ANK3: variants seen among roughly 807,000 people sequenced by gnomAD.
ANK3 encodes the protein ankyrin-3.
Under a neutral mutation model 370.9 loss-of-function variants are expected in ANK3, and 57 were observed. That is an observed-to-expected ratio of 0.15 (90% CI 0.12 to 0.19). The LOEUF is 0.19. Among genes scored for constraint, ANK3 ranks in the 10% least tolerant of loss-of-function variants. ANK3 has a pLI of 1.00. For missense variants in ANK3, 4,439 were observed against 5,302.1 expected (o/e 0.84, Z 5.06); for synonymous variants, 1,929 against 1,946.3 (o/e 0.99, Z 0.23).
At chr10:60,510,099 CCTT>C (rs2076042525) in intron 2 of ANK3, among the ~76,000 whole-genome samples, 1 of 151,854 alleles carries the variant, frequency 6.6e-6, no homozygotes, top group African/African-American at 2.4e-5. Flanking sequence ...TGGAAGTAGT[CCTT>C]CATCTAGTAT....
At chr10:60,663,794 A>G (rs375117268) in intron 1 of ANK3, among the ~76,000 whole-genome samples, 26 of 152,202 alleles carry the variant, frequency 1.7e-4, no homozygotes, top group Non-Finnish European at 1.3e-4. Flanking sequence ...TACATACAAG[A>G]TTATTTCTGT....
At chr10:60,687,236 T>C (rs1213016653) in intron 1 of ANK3, among the ~76,000 whole-genome samples, 2 of 152,126 alleles carry the variant, frequency 1.3e-5, no homozygotes, top group African/African-American at 4.8e-5. Context: ...CTCTCAATAG[T>C]TTATTAATAT....
At chr10:60,218,678 T>G (rs1472450234) in intron 8 of ANK3, among the ~76,000 whole-genome samples, 2 of 152,136 alleles carry the variant, frequency 1.3e-5, no homozygotes, top group African/African-American at 4.8e-5. Flanking sequence ...CTTCCCTTTG[T>G]AGGTTACCTG....
chr10:60,711,564 A>T (rs1206175637), intron 1 of ANK3, among the ~76,000 whole-genome samples: 1 of 152,076 alleles, frequency 6.6e-6, no homozygotes, highest in Non-Finnish European at 1.5e-5. Context: ...GAAGAAATCG[A>T]ATATTCAAAA....
At position 60,036,537 on chromosome 10, in the gene ANK3, G is replaced by A. The variant is rs898641634; in HGVS notation, c.*19+6135C>T. On this transcript the variant is annotated intron_variant, in intron 43 of 43. Coordinates refer to ENST00000280772, the MANE Select transcript of ANK3 (RefSeq NM_020987.5). ...TGAAAGCTCCACCTCCCAGGTTCACGCCATTCTCCTGCCTCAGCCTCCCAA... is the reference window on the plus strand; with the variant it reads ...TGAAAGCTCCACCTCCCAGGTTCACACCATTCTCCTGCCTCAGCCTCCCAA... Among the ~76,000 whole-genome samples the A allele has an allele frequency of 5.7e-5, 8 of 140,674 alleles. No individual in the cohort carries two copies. In the East Asian group the frequency reaches 6.8e-4, roughly 12 times the overall value. 92.3% of individuals were successfully genotyped at this position (140,674 alleles called of 152,430 possible). A position where few individuals can be genotyped will look rare whatever the true frequency, so the allele number is the denominator to read the frequency against.
chr10:60,075,045 T>C lies in ANK3; in HGVS notation c.5836A>G (p.Lys1946Glu), dbSNP rs1332358923. ...TCTTCCTTTACTTTCTCTACAATTT[T>C]GAAAGGTTCTTCATCATCTATTCTC... is the stretch of plus-strand genomic sequence containing the variant. ...EGRIDDEEPF[K>E]IVEKVKEDLV... Residue 1946 changes from lysine to glutamate, a missense_variant, in exon 37 of 44, where the codon AAA becomes GAA. Around this residue, in one of 13 missense-constraint regions of ANK3, gnomAD observed 679 missense variants for 791.0 expected, o/e 0.86. Coordinates refer to ENST00000280772, the MANE Select transcript of ANK3 (RefSeq NM_020987.5). 6.2e-7 allele frequency: 1 copy of C among 1,613,804 alleles called. No homozygotes were observed. Among genetic ancestry groups the C allele is most frequent in the Non-Finnish European group, 8.5e-7 (1 of 1,179,978 alleles).
Position 60,340,756 on chromosome 10 carries a change from A to G in ANK3, c.114+48669T>C, listed in dbSNP as rs569949553. Among the ~76,000 whole-genome samples, 10 of 152,252 alleles carry G rather than the reference A, an allele frequency of 6.6e-5. No individual in the cohort carries two copies. In the East Asian group the frequency reaches 1.9e-3, roughly 29 times the overall value. On this transcript the variant is annotated intron_variant, in intron 1 of 43. Transcript: ENST00000280772. ...TTTCTTACAGATCAGAGAAGATACT[A>G]TAGAGGCAGTAGTACAAACGGTGGC...
intron 23 of ANK3, chr10:60,140,651 A>G: frequency 1.5e-6 from 2 of 1,348,860 alleles, no homozygotes; most frequent in South Asian, 2.0e-5. Flanking sequence ...CCTTTTGACC[A>G]CTTCGCAGAC....
chr10:60,067,214 T>G (rs1203252897), intron 38 of ANK3, among the ~76,000 whole-genome samples: 1 of 152,226 alleles, frequency 6.6e-6, no homozygotes, highest in Non-Finnish European at 1.5e-5. Context: ...AGAATTCAAC[T>G]TTTGTGAATT....
In ANK3 at chr10:60,207,253, G is replaced by A. The variant is rs373072218; in HGVS notation, c.1194+783C>T. On this transcript the variant is annotated intron_variant, in intron 10 of 43. Transcript: ENST00000280772. ...GCCCACAGAGTACAAGAGGTGGTACGGATCTATCCAGACAGGATGACCGCA... is the reference window on the plus strand; with the variant it reads ...GCCCACAGAGTACAAGAGGTGGTACAGATCTATCCAGACAGGATGACCGCA... 5.9e-5 allele frequency among the ~76,000 whole-genome samples: 9 copies of A among 152,260 alleles called. No individual in the cohort carries two copies. The East Asian group carries it at 1.4e-3, about 23-fold the overall frequency.
intron 1 of ANK3, among the ~76,000 whole-genome samples, chr10:60,658,186 A>G (rs537856865): frequency 7.2e-5 from 11 of 152,042 alleles, no homozygotes; most frequent in South Asian, 4.2e-4. Context: ...AACATTTAAT[A>G]TAAGTATCCA....
rs371576258 is a variant in ANK3 at position 60,111,525 on chromosome 10, TATAATA to T, written c.2949-2477_2949-2472del. Among the ~76,000 whole-genome samples, 217 of 152,292 alleles carry T rather than the reference TATAATA, an allele frequency of 1.4e-3. 5 individuals are homozygous for T. Among genetic ancestry groups the T allele is most frequent in the Admixed American group, 0.012 (180 of 15,288 alleles). On this transcript the variant is annotated intron_variant, in intron 26 of 43. Coordinates refer to ENST00000280772, the MANE Select transcript of ANK3 (RefSeq NM_020987.5). The stretch of plus-strand genomic sequence containing the variant: ...TATAGAACAAATTAAAAAGGTGATA[TATAATA>T]ATATTTGTATCATTAATATTTAAAC...
At chr10:60,606,610 C>T (rs2078132217) in intron 2 of ANK3, among the ~76,000 whole-genome samples, 1 of 152,104 alleles carries the variant, frequency 6.6e-6, no homozygotes, top group Non-Finnish European at 1.5e-5. Flanking sequence ...CTTTGTTTGG[C>T]CACATTTGAC....
At chr10:60,463,044 C>T (rs1226868192) in intron 2 of ANK3, among the ~76,000 whole-genome samples, 2 of 152,130 alleles carry the variant, frequency 1.3e-5, no homozygotes, top group South Asian at 2.1e-4. Flanking sequence ...GCTGGGACTA[C>T]AGGCTTGTGC....
intron 2 of ANK3, among the ~76,000 whole-genome samples, chr10:60,611,296 C>T (rs1255468193): frequency 6.6e-6 from 1 of 152,062 alleles, no homozygotes; most frequent in Non-Finnish European, 1.5e-5. Flanking sequence ...CTTGAATCAG[C>T]AGAGGAAGGA....
At chr10:60,687,981 T>A (rs1399608950) in intron 1 of ANK3, among the ~76,000 whole-genome samples, 17 of 152,226 alleles carry the variant, frequency 1.1e-4, no homozygotes, top group Non-Finnish European at 2.5e-4. Context: ...CATTTCATGA[T>A]TCCACTTACA....
intron 1 of ANK3, among the ~76,000 whole-genome samples, chr10:60,704,109 C>A (rs1487689110): frequency 6.6e-6 from 1 of 152,150 alleles, no homozygotes; most frequent in African/African-American, 2.4e-5. Flanking sequence ...ATGTTCTCAG[C>A]CCTTATATCT....
chr10:60,249,799 T>C (rs936398015), intron 7 of ANK3, among the ~76,000 whole-genome samples: 1 of 152,114 alleles, frequency 6.6e-6, no homozygotes, highest in African/African-American at 2.4e-5. Flanking sequence ...AATGAGGCAA[T>C]GAGGCTGCCC....
intron 1 of ANK3, among the ~76,000 whole-genome samples, chr10:60,383,730 T>C (rs2061861130): frequency 8.4e-6 from 1 of 119,692 alleles, no homozygotes; most frequent in African/African-American, 3.2e-5. Context: ...GCAAGTTTCC[T>C]TGATCTCATA....
Sources: gnomAD v4.1 joint callset for allele counts (sites outside exome capture counted in the v4.1 genomes callset) on GRCh38, gnomAD v4.1.1 for gene constraint, gnomAD v4.1.1 regional missense constraint, MANE v1.5 for transcripts, NCBI Gene and HGNC (gene_info 2026-07-23, HGNC 2026-07-21) for gene names.